The following DNAJB1 variants were observed in gnomAD, a reference collection of about 807,000 sequenced individuals.
DNAJB1 encodes DnaJ heat shock protein family (Hsp40) member B1.
In DNAJB1, 14 loss-of-function variants were observed where a neutral mutation model predicts 24.0. The ratio of observed to expected loss-of-function variants is 0.58; its 90% CI spans 0.39 to 0.91. DNAJB1 has a LOEUF of 0.91. DNAJB1 is among the 40% of genes least tolerant of loss of function. The pLI, the probability that DNAJB1 is intolerant of heterozygous loss-of-function variation, is 0.00. For missense variants in DNAJB1, 517 were observed against 458.1 expected, an observed-to-expected ratio of 1.13 and a Z score of -1.17; for synonymous variants, 262 against 174.4, an observed-to-expected ratio of 1.50 and a Z score of -3.96.
At position 14,516,485 on chromosome 19, in the gene DNAJB1, G is replaced by A. The variant is rs1211427373; in HGVS notation, c.773C>T (p.Ala258Val). Residue 258 changes from alanine to valine, a missense_variant, in exon 2 of 3, where the codon GCC becomes GTC. Transcript: ENST00000254322. Reference sequence around the variant, plus strand: ...CCTTACCTCCCGGAGGCTGATCCTGGCAGGATAAATGACATCAGAGCCATC... The same window carrying A: ...CCTTACCTCCCGGAGGCTGATCCTGACAGGATAAATGACATCAGAGCCATC... ...KRDGSDVIYP[A>V]RISLREALCG... is the part of the protein sequence containing the mutation. 1 of 1,612,282 alleles carries A rather than the reference G, an allele frequency of 6.2e-7. No homozygotes were observed. The highest frequency in any genetic ancestry group is 8.5e-7 in the Non-Finnish European group (1 of 1,178,452).
chr19:14,517,248 G>T, intron 1 of DNAJB1: 1 of 586,066 alleles, frequency 1.7e-6, no homozygotes, highest in Non-Finnish European at 3.0e-6. Context: ...CGCGTAGCCT[G>T]ACAGTGGAAA....
intron 1 of DNAJB1, among the ~76,000 whole-genome samples, chr19:14,543,401 ATATATATATATATATATATTTTTTTT>A (rs2073171076): frequency 1.3e-4 from 1 of 7,444 alleles, no homozygotes; most frequent in African/African-American, 4.5e-4. Context: ...ATATATATAT[ATATATATATATATATATATTTTTTTT>A]TTTTTTTTTT....
intron 1 of DNAJB1, among the ~76,000 whole-genome samples, chr19:14,549,872 T>C (rs2073433885): frequency 6.6e-6 from 1 of 151,582 alleles, no homozygotes; most frequent in South Asian, 2.1e-4. Context: ...GAACTCGGCA[T>C]GCGGAGGTTG....
chr19:14,524,540 A>G (rs2072396519), intron 2 of DNAJB1, among the ~76,000 whole-genome samples: 1 of 150,028 alleles, frequency 6.7e-6, no homozygotes, highest in South Asian at 2.1e-4. Context: ...TAAAAATCCA[A>G]ATAAATTTGG....
intron 1 of DNAJB1, among the ~76,000 whole-genome samples, chr19:14,541,447 C>T (rs2073094760): frequency 6.6e-6 from 1 of 152,244 alleles, no homozygotes; most frequent in African/African-American, 2.4e-5. Flanking sequence ...TCCTGCTGGT[C>T]CAGGCCTTTT....
intron 2 of DNAJB1, among the ~76,000 whole-genome samples, chr19:14,527,211 C>G: frequency 1.7e-5 from 1 of 58,658 alleles, no homozygotes; most frequent in Non-Finnish European, 3.0e-5. Context: ...GACGGAGTTT[C>G]ATTCTTGTCA....
chr19:14,533,834 C>G (rs796365795), upstream of DNAJB1: 10 of 152,298 alleles, frequency 6.6e-5, no homozygotes, highest in African/African-American at 2.4e-4. Flanking sequence ...TTAGCATTGT[C>G]TTGGGGTCAG....
At chr19:14,517,896 G>A in intron 1 of DNAJB1, 1 of 397,564 alleles carries the variant, frequency 2.5e-6, no homozygotes, top group Non-Finnish European at 4.4e-6. Context: ...CGCGGGAGGA[G>A]GCGCCCGGGG....
At chr19:14,529,365 G>C (rs1386678908), upstream of DNAJB1, 8 of 511,282 alleles carry the variant, frequency 1.6e-5, no homozygotes, top group Admixed American at 2.3e-4. Flanking sequence ...GCGCGGGGCA[G>C]AGACCTCCTT....
intron 1 of DNAJB1, chr19:14,517,430 G>A (rs755892): frequency 0.29 from 51,325 of 173,988 alleles, 9,152 homozygotes; most frequent in Non-Finnish European, 0.39. Context: ...TGCGTAGGAA[G>A]AGAAGAAAAA....
chr19:14,550,398 G>A (rs564938279), upstream of DNAJB1, among the ~76,000 whole-genome samples: 21 of 152,202 alleles, frequency 1.4e-4, no homozygotes, highest in South Asian at 3.4e-3. Flanking sequence ...TGCTGGACTC[G>A]GGCAGTCGGG....
intron 1 of DNAJB1, among the ~76,000 whole-genome samples, chr19:14,546,417 C>T (rs144379642): frequency 6.6e-6 from 1 of 152,188 alleles, no homozygotes; most frequent in African/African-American, 2.4e-5. Context: ...TGAAACCCCT[C>T]TTCTACTAAA....
intron 1 of DNAJB1, among the ~76,000 whole-genome samples, chr19:14,541,374 G>A (rs990575513): frequency 2.6e-5 from 4 of 152,062 alleles, no homozygotes; most frequent in African/African-American, 9.7e-5. Context: ...TGGCACAGCG[G>A]CCCTTCTGAG....
At chr19:14,519,560 C>G (rs1018648455), upstream of DNAJB1, among the ~76,000 whole-genome samples, 1 of 152,146 alleles carries the variant, frequency 6.6e-6, no homozygotes, top group Non-Finnish European at 1.5e-5. Flanking sequence ...CTTTACTGCC[C>G]TCTCAAGATC....
At chr19:14,541,893 C>T (rs2073107877) in intron 1 of DNAJB1, among the ~76,000 whole-genome samples, 1 of 151,910 alleles carries the variant, frequency 6.6e-6, no homozygotes. Context: ...AGCGATTCTC[C>T]TGCCTCAGCC....
upstream of DNAJB1, chr19:14,518,554 G>A: frequency 2.6e-6 from 1 of 387,514 alleles, no homozygotes; most frequent in Non-Finnish European, 4.4e-6. Context: ...GGGCCTCGCC[G>A]TCAACGGCCG....
At chr19:14,517,237 C>T (rs1251587745) in intron 1 of DNAJB1, 191 bp from the exon 2 acceptor site, 3 of 600,756 alleles carry the variant, frequency 5.0e-6, no homozygotes, top group Non-Finnish European at 8.6e-6. Flanking sequence ...AACAGTATTT[C>T]CGCGTAGCCT....
upstream of DNAJB1, among the ~76,000 whole-genome samples, chr19:14,554,503 C>A (rs986265988): frequency 6.6e-6 from 1 of 152,152 alleles, no homozygotes; most frequent in Admixed American, 6.5e-5. Flanking sequence ...TGTTTACAGC[C>A]GGGAGAGGAC....
intron 1 of DNAJB1, among the ~76,000 whole-genome samples, chr19:14,548,998 A>T (rs1599456392): frequency 6.8e-6 from 1 of 148,102 alleles, no homozygotes; most frequent in East Asian, 1.9e-4. Context: ...TTCACATATC[A>T]TGAAATAGGT....
Sources: allele counts gnomAD v4.1 joint callset (sites outside exome capture counted in the v4.1 genomes callset), GRCh38; gene constraint gnomAD v4.1.1; transcripts MANE v1.5; gene names NCBI Gene and HGNC (gene_info 2026-07-23, HGNC 2026-07-21).